SEMA6D: variants seen among roughly 807,000 people sequenced by gnomAD.
SEMA6D encodes semaphorin 6D, also known as semaphorin-6D.
SEMA6D carries 35 observed loss-of-function variants against 106.6 expected under a neutral mutation model. The observed-to-expected ratio is 0.33, with a 90% CI of 0.25 to 0.44. The LOEUF is 0.44. SEMA6D is among the 20% of genes least tolerant of loss of function. The pLI is 1.00. For missense variants in SEMA6D, 1,185 were observed against 1,345.9 expected, an observed-to-expected ratio of 0.88 and a Z score of 1.87; for synonymous variants, 499 against 487.7, an observed-to-expected ratio of 1.02 and a Z score of -0.31.
intron 2 of SEMA6D, among the ~76,000 whole-genome samples, chr15:47,433,442 A>G (rs190740898): frequency 3.4e-4 from 52 of 152,178 alleles, no homozygotes; most frequent in Middle Eastern, 3.4e-3. Flanking sequence ...AGAGACTTCA[A>G]TGACTTTTCA....
chr15:47,763,052 A>T lies in SEMA6D; in HGVS notation c.695A>T (p.Tyr232Phe), dbSNP rs1208169286. Residue 232 changes from tyrosine (Y) to phenylalanine (F), a missense_variant, in exon 9 of 19, where the codon TAT becomes TTT. Transcript: ENST00000536845. ...CTTCATGCCATAGAATATGGAAACT[A>T]TGTCTATTTCTTCTTTCGAGAAATC... The part of the protein sequence containing the change: ...HFLHAIEYGN[Y>F]VYFFFREIAV... 8.7e-6 allele frequency: 14 copies of T among 1,612,352 alleles called. No homozygotes were observed. Among genetic ancestry groups the T allele is most frequent in the Non-Finnish European group, 1.2e-5 (14 of 1,179,168 alleles).
intron 3 of SEMA6D, among the ~76,000 whole-genome samples, chr15:47,496,661 T>C (rs925166618): frequency 3.9e-5 from 6 of 152,108 alleles, no homozygotes; most frequent in African/African-American, 1.4e-4. Context: ...CTCAACATTT[T>C]CTCCAGTACT....
intron 1 of SEMA6D, among the ~76,000 whole-genome samples, chr15:47,267,475 A>G (rs757451816): frequency 6.6e-6 from 1 of 151,718 alleles, no homozygotes; most frequent in African/African-American, 2.4e-5. Context: ...TTTTTTCTTC[A>G]CTTAAGAGTA....
chr15:47,661,830 A>G (rs537172546), intron 4 of SEMA6D, among the ~76,000 whole-genome samples: 6 of 152,220 alleles, frequency 3.9e-5, no homozygotes, highest in African/African-American at 4.8e-5. Flanking sequence ...TTAAAAAGCA[A>G]TGCTAACACA....
intron 1 of SEMA6D, among the ~76,000 whole-genome samples, chr15:47,253,696 TCCC>T (rs1189809230): frequency 6.6e-6 from 1 of 152,174 alleles, no homozygotes; most frequent in African/African-American, 2.4e-5. Flanking sequence ...CTCTATTCTA[TCCC>T]ATTGGTCTAT....
At chr15:47,403,873 T>A (rs1311740951) in intron 1 of SEMA6D, among the ~76,000 whole-genome samples, 2 of 152,188 alleles carry the variant, frequency 1.3e-5, no homozygotes, top group Non-Finnish European at 2.9e-5. Context: ...GCAAGATGAT[T>A]CTTGCTATTA....
intron 3 of SEMA6D, among the ~76,000 whole-genome samples, chr15:47,587,210 G>GCC (rs2076357532): frequency 6.6e-6 from 1 of 151,712 alleles, no homozygotes; most frequent in African/African-American, 2.4e-5. Context: ...GCCCTGCAAG[G>GCC]CCCCCTCTGC....
chr15:47,501,123 C>T (rs1797224), intron 3 of SEMA6D, among the ~76,000 whole-genome samples: 70,569 of 151,854 alleles, frequency 0.46, 17,872 homozygotes, highest in East Asian at 0.82. Context: ...AATATTTTCT[C>T]CTCATCGGTT....
intron 1 of SEMA6D, among the ~76,000 whole-genome samples, chr15:47,243,323 A>G (rs953341911): frequency 1.1e-4 from 17 of 152,112 alleles, no homozygotes; most frequent in African/African-American, 3.4e-4. Context: ...TTGTGTCCCA[A>G]TATAACTTCT....
intron 1 of SEMA6D, among the ~76,000 whole-genome samples, chr15:47,228,126 ATG>A (rs1472906680): frequency 1.2e-4 from 15 of 121,298 alleles, no homozygotes; most frequent in African/African-American, 4.0e-4. Context: ...ATTCATATAT[ATG>A]TGTGTGTGTA....
rs1384116300 is a variant in SEMA6D, at chr15:47,771,057, A to G, written c.2494A>G (p.Asn832Asp). The G allele has an allele frequency of 6.2e-7, 1 of 1,614,094 alleles. No homozygotes were observed. The highest frequency in any genetic ancestry group is 1.1e-5 in the South Asian group (1 of 91,078). The stretch of plus-strand genomic sequence containing the variant: ...TATCCCCAGTGCCATTGTTCTTCCA[A>G]ATGCTACCCATGACTACAACACGTC... ...GHIPSAIVLP[N>D]ATHDYNTSFS... The change falls in exon 19 of 19, where the codon AAT (asparagine) becomes GAT (aspartate). Residue 832 changes from asparagine (N) to aspartate (D), a missense_variant. Physicochemically the swap from Asn to Asp is conservative, Grantham distance 23. Coordinates refer to ENST00000536845, the MANE Select transcript of SEMA6D (RefSeq NM_001358351.3).
chr15:47,415,790 TGCCCTTGCAAAGAACTGTTG>T (rs1361707664), intron 2 of SEMA6D, among the ~76,000 whole-genome samples: 20 of 152,184 alleles, frequency 1.3e-4, no homozygotes, highest in African/African-American at 4.6e-4. Flanking sequence ...CCATAATCTT[TGCCCTTGCAAAGAACTGTTG>T]ATCACACATC....
At chr15:47,720,994 C>A (rs1330546123) in intron 1 of SEMA6D, among the ~76,000 whole-genome samples, 1 of 152,146 alleles carries the variant, frequency 6.6e-6, no homozygotes, top group Non-Finnish European at 1.5e-5. Flanking sequence ...TTTAAGCCTG[C>A]ATATTCTAGA....
At chr15:47,477,665 A>AT (rs753799867) in intron 3 of SEMA6D, among the ~76,000 whole-genome samples, 21 of 150,382 alleles carry the variant, frequency 1.4e-4, no homozygotes, top group East Asian at 9.7e-4. Context: ...TTTTTTGCCA[A>AT]TTTTTTTTTT....
chr15:47,286,287 AC>A (rs1339867596), intron 1 of SEMA6D, among the ~76,000 whole-genome samples: 70 of 152,182 alleles, frequency 4.6e-4, no homozygotes, highest in African/African-American at 1.7e-3. Flanking sequence ...TATATGGCTG[AC>A]TTGAACTGGT....
At chr15:47,597,206 A>G (rs1478887553) in intron 3 of SEMA6D, among the ~76,000 whole-genome samples, 1 of 152,110 alleles carries the variant, frequency 6.6e-6, no homozygotes, top group South Asian at 2.1e-4. Flanking sequence ...TACTAAAAAA[A>G]TGATTGAAGA....
At chr15:47,407,726 G>T (rs1475955528) in intron 1 of SEMA6D, among the ~76,000 whole-genome samples, 1 of 152,206 alleles carries the variant, frequency 6.6e-6, no homozygotes, top group Admixed American at 6.5e-5. Context: ...ACAAAGTGCA[G>T]ACCTGCAGTT....
intron 1 of SEMA6D, among the ~76,000 whole-genome samples, chr15:47,387,060 G>A (rs281282): frequency 0.27 from 40,545 of 152,074 alleles, 7,606 homozygotes; most frequent in African/African-American, 0.52. Flanking sequence ...TGCTCCCAGT[G>A]GCTTCCCCTT....
intron 1 of SEMA6D, among the ~76,000 whole-genome samples, chr15:47,266,214 T>G (rs997142651): frequency 6.6e-6 from 1 of 152,232 alleles, no homozygotes; most frequent in Non-Finnish European, 1.5e-5. Context: ...TGTCTTTTTT[T>G]GCCAGTTGTC....
Sources: allele counts gnomAD v4.1 joint callset (sites outside exome capture counted in the v4.1 genomes callset), GRCh38; gene constraint gnomAD v4.1.1; transcripts MANE v1.5; gene names NCBI Gene and HGNC (gene_info 2026-07-23, HGNC 2026-07-21).